SPATS2: variants seen among roughly 807,000 people sequenced by gnomAD.
The protein encoded by SPATS2 is spermatogenesis associated serine rich 2.
Under a neutral mutation model 63.7 loss-of-function variants are expected in SPATS2, and 38 were observed. The ratio of observed to expected loss-of-function variants is 0.60; its 90% CI spans 0.46 to 0.78. SPATS2 has a LOEUF of 0.78. Among genes scored for constraint, SPATS2 ranks in the 30% least tolerant of loss-of-function variants. SPATS2 has a pLI of 0.00. For missense variants in SPATS2, 588 were observed against 666.2 expected (o/e 0.88, Z 1.29); for synonymous variants, 207 against 232.9 (o/e 0.89, Z 1.01).
chr12:49,374,555 C>T (rs1944059307), intron 2 of SPATS2, among the ~76,000 whole-genome samples: 1 of 152,150 alleles, frequency 6.6e-6, no homozygotes, highest in Non-Finnish European at 1.5e-5. Flanking sequence ...ATCTTCTATA[C>T]AGATTCTTCA....
At position 49,426,612 on chromosome 12, in the gene SPATS2, T is replaced by C. The variant is rs530049875; in HGVS notation, c.-243-34158T>C. ...AGGCTGGAGTGCAGTGGCGCCATCT[T>C]GGCTCACTGCAAGCTCCGCCTCCCG... On this transcript the variant is annotated intron_variant, in intron 2 of 13. Coordinates refer to ENST00000552918, the MANE Select transcript of SPATS2 (RefSeq NM_023071.4). Among the ~76,000 whole-genome samples the C allele has an allele frequency of 2.9e-3, 437 of 152,250 alleles. 2 individuals carry two copies. The highest frequency in any genetic ancestry group is 0.01 in the African/African-American group (416 of 41,560).
At chr12:49,396,128 C>T (rs1211056204) in intron 2 of SPATS2, among the ~76,000 whole-genome samples, 1 of 152,182 alleles carries the variant, frequency 6.6e-6, no homozygotes, top group Admixed American at 6.5e-5. Context: ...TATATTTTCT[C>T]ACTAATTCAT....
intron 2 of SPATS2, among the ~76,000 whole-genome samples, chr12:49,383,745 T>C (rs1473055238): frequency 1.3e-5 from 2 of 152,196 alleles, no homozygotes; most frequent in Non-Finnish European, 2.9e-5. Flanking sequence ...AAAATGTATA[T>C]ACCATTTTAT....
intron 2 of SPATS2, among the ~76,000 whole-genome samples, chr12:49,376,758 C>G (rs1944113274): frequency 6.8e-6 from 1 of 146,812 alleles, no homozygotes; most frequent in Non-Finnish European, 1.5e-5. Flanking sequence ...CACTCTGTCG[C>G]CCAGGCTGGA....
At chr12:49,518,730 A>G (rs1037024444) in intron 10 of SPATS2, among the ~76,000 whole-genome samples, 2 of 152,162 alleles carry the variant, frequency 1.3e-5, no homozygotes, top group Non-Finnish European at 2.9e-5. Context: ...AATAAGAGAG[A>G]TGCTCTTTTC....
chr12:49,488,088 A>C (rs1249738685), intron 4 of SPATS2, among the ~76,000 whole-genome samples: 1 of 151,394 alleles, frequency 6.6e-6, no homozygotes, highest in Non-Finnish European at 1.5e-5. Flanking sequence ...CTTGCTGCCC[A>C]GGCTGCCATG....
intron 2 of SPATS2, among the ~76,000 whole-genome samples, chr12:49,408,059 A>C (rs1310488512): frequency 6.6e-6 from 1 of 152,214 alleles, no homozygotes; most frequent in Non-Finnish European, 1.5e-5. Flanking sequence ...TACAGACTGT[A>C]AAATGCTATA....
chr12:49,462,614 C>G, intron 3 of SPATS2: 1 of 595,934 alleles, frequency 1.7e-6, no homozygotes, highest in Admixed American at 3.0e-5. Flanking sequence ...AAAATGAGGT[C>G]ACACGAATGA....
intron 10 of SPATS2, among the ~76,000 whole-genome samples, chr12:49,516,801 G>C (rs1301895033): frequency 3.3e-5 from 5 of 151,610 alleles, no homozygotes; most frequent in African/African-American, 1.2e-4. Flanking sequence ...TTATCAATTT[G>C]TGGCCAATCT....
At chr12:49,457,456 A>T (rs1945739696) in intron 2 of SPATS2, among the ~76,000 whole-genome samples, 1 of 150,668 alleles carries the variant, frequency 6.6e-6, no homozygotes, top group African/African-American at 2.4e-5. Flanking sequence ...TTTTTGACAC[A>T]GAGTTTTGCT....
chr12:49,416,154 G>A (rs1014252237), intron 2 of SPATS2, among the ~76,000 whole-genome samples: 1 of 151,792 alleles, frequency 6.6e-6, no homozygotes, highest in Admixed American at 6.6e-5. Flanking sequence ...ATCTTTTATG[G>A]TTCTGATGTT....
chr12:49,454,024 A>C (rs1592412670), intron 2 of SPATS2, among the ~76,000 whole-genome samples: 1 of 151,666 alleles, frequency 6.6e-6, no homozygotes, highest in South Asian at 2.1e-4. Flanking sequence ...CACCATGCCC[A>C]ACTAACTTTT....
chr12:49,438,900 G>A (rs1945365413), intron 2 of SPATS2, among the ~76,000 whole-genome samples: 1 of 152,116 alleles, frequency 6.6e-6, no homozygotes, highest in Admixed American at 6.5e-5. Context: ...GATAATCAAA[G>A]GCTCTGTCCT....
At position 49,522,851 on chromosome 12, in the gene SPATS2, A is replaced by G. The variant is rs1405398008; in HGVS notation, c.1109A>G (p.Gln370Arg). ...AAGAAGAGCATTGATTCATTTGGACAAGGTGAGATGGTGAGAGGGTCTGGG... is the reference window on the plus strand; with the variant it reads ...AAGAAGAGCATTGATTCATTTGGACGAGGTGAGATGGTGAGAGGGTCTGGG... Reference protein sequence around the residue: ...TLKKSIDSFGQVSHPKNSYST... With the variant: ...TLKKSIDSFGRVSHPKNSYST... Residue 370 changes from glutamine (Q) to arginine (R), a missense_variant and splice_region_variant, in exon 12 of 14, where the codon CAA becomes CGA. Gln to Arg is a conservative substitution (Grantham distance 43, BLOSUM62 1). Coordinates refer to ENST00000552918, the MANE Select transcript of SPATS2 (RefSeq NM_023071.4). 2 of 1,612,664 alleles carry G rather than the reference A, an allele frequency of 1.2e-6. No individual in the cohort carries two copies. Among genetic ancestry groups the G allele is most frequent in the South Asian group, 1.1e-5 (1 of 91,040 alleles).
chr12:49,485,290 G>A (rs948986798), intron 4 of SPATS2, among the ~76,000 whole-genome samples: 1 of 151,754 alleles, frequency 6.6e-6, no homozygotes, highest in East Asian at 1.9e-4. Context: ...TCCTGACCTC[G>A]TAATCTGCCC....
chr12:49,406,189 G>A (rs117813075), intron 2 of SPATS2, among the ~76,000 whole-genome samples: 33 of 152,134 alleles, frequency 2.2e-4, no homozygotes, highest in East Asian at 1.9e-3. Flanking sequence ...GCTTGAATTC[G>A]GGAGGATACT....
intron 2 of SPATS2, among the ~76,000 whole-genome samples, chr12:49,409,592 ATTTTTTTTTTTT>A (rs753378038): frequency 1.2e-4 from 9 of 73,546 alleles, no homozygotes; most frequent in African/African-American, 3.8e-4. Flanking sequence ...GTGCCCAGCA[ATTTTTTTTTTTT>A]TTTTTTTTTT....
At chr12:49,404,172 A>G (rs1204639853) in intron 2 of SPATS2, among the ~76,000 whole-genome samples, 1 of 152,098 alleles carries the variant, frequency 6.6e-6, no homozygotes, top group African/African-American at 2.4e-5. Context: ...GGTGAATGCT[A>G]TGATAGAAAT....
At chr12:49,367,405 G>A, upstream of SPATS2, 1 of 397,246 alleles carries the variant, frequency 2.5e-6, no homozygotes. Flanking sequence ...AAGTGGGGAG[G>A]CGGCGGTGGG....
Sources: gnomAD v4.1 joint callset for allele counts (sites outside exome capture counted in the v4.1 genomes callset) on GRCh38, gnomAD v4.1.1 for gene constraint, MANE v1.5 for transcripts, NCBI Gene and HGNC (gene_info 2026-07-23, HGNC 2026-07-21) for gene names.